CSMD1: variants seen among roughly 807,000 people sequenced by gnomAD.
CSMD1 encodes CUB and sushi domain-containing protein 1.
CSMD1 carries 213 observed loss-of-function variants against 417.5 expected under a neutral mutation model. The ratio of observed to expected loss-of-function variants is 0.51; its 90% CI spans 0.46 to 0.57. The LOEUF is 0.57. Among genes scored for constraint, CSMD1 ranks in the 20% least tolerant of loss-of-function variants. CSMD1 has a pLI of 0.00. For missense variants in CSMD1, 6,923 were observed against 4,529.7 expected (o/e 1.53, Z -15.17); for synonymous variants, 2,862 against 1,736.8 (o/e 1.65, Z -16.11).
chr8:4,280,775 T>C (rs1470202674), intron 3 of CSMD1, among the ~76,000 whole-genome samples: 1 of 152,214 alleles, frequency 6.6e-6, no homozygotes, highest in Non-Finnish European at 1.5e-5. Context: ...TGTTACTATA[T>C]ATAAAATATT....
chr8:4,566,182 C>T (rs1585258477), intron 2 of CSMD1, among the ~76,000 whole-genome samples: 2 of 152,108 alleles, frequency 1.3e-5, no homozygotes, highest in Admixed American at 1.3e-4. Context: ...TGAGATTGAT[C>T]CATCTACAAT....
At chr8:3,985,092 AG>A (rs1297735679) in intron 5 of CSMD1, among the ~76,000 whole-genome samples, 2 of 151,936 alleles carry the variant, frequency 1.3e-5, no homozygotes, top group Non-Finnish European at 2.9e-5. Flanking sequence ...TATGTTACTT[AG>A]GGGGGACTTG....
At chr8:4,979,885 A>C (rs1810782649) in intron 1 of CSMD1, among the ~76,000 whole-genome samples, 1 of 152,016 alleles carries the variant, frequency 6.6e-6, no homozygotes, top group African/African-American at 2.4e-5. Context: ...AAAATACAAA[A>C]AAATTAGCCA....
At chr8:4,788,613 G>T (rs536824671) in intron 1 of CSMD1, 16 of 948,384 alleles carry the variant, frequency 1.7e-5, no homozygotes, top group Non-Finnish European at 2.2e-5. Flanking sequence ...AAATTTTTAG[G>T]GGAAAAACTA....
At chr8:4,037,482 G>T (rs769377956) in intron 3 of CSMD1, among the ~76,000 whole-genome samples, 4 of 152,136 alleles carry the variant, frequency 2.6e-5, no homozygotes, top group African/African-American at 9.7e-5. Flanking sequence ...CTTCTCTACA[G>T]ATTTTTTTCT....
rs75203283 is a variant in CSMD1, at chr8:4,895,249, G to A, written c.85+99083C>T. Among the ~76,000 whole-genome samples, 1,342 of 152,232 alleles carry A rather than the reference G, an allele frequency of 8.8e-3. 2 individuals carry two copies. The highest frequency in any genetic ancestry group is 0.014 in the Non-Finnish European group (919 of 68,020). On this transcript the variant is annotated intron_variant, in intron 1 of 69. Transcript: ENST00000635120. ...GACAACCTGAATCACGTTCAGAGAT[G>A]AACAATTTCTGACTCAGGTGTGTTA...
chr8:3,714,931 C>G (rs1428802104), intron 6 of CSMD1, among the ~76,000 whole-genome samples: 1 of 152,124 alleles, frequency 6.6e-6, no homozygotes, highest in African/African-American at 2.4e-5. Context: ...CATTGTTTCG[C>G]TTTTACTCTA....
chr8:4,578,021 C>T (rs975845161), intron 2 of CSMD1, among the ~76,000 whole-genome samples: 1 of 152,276 alleles, frequency 6.6e-6, no homozygotes, highest in African/African-American at 2.4e-5. Context: ...GGACCCAGGG[C>T]TCGGCTTTAG....
intron 3 of CSMD1, among the ~76,000 whole-genome samples, chr8:4,368,533 T>C (rs1363055485): frequency 6.6e-6 from 1 of 152,176 alleles, no homozygotes; most frequent in Non-Finnish European, 1.5e-5. Flanking sequence ...TTGGGAATCA[T>C]TTTAGTAAGA....
intron 3 of CSMD1, among the ~76,000 whole-genome samples, chr8:4,357,422 T>TA (rs1410874345): frequency 1.3e-5 from 2 of 152,146 alleles, no homozygotes; most frequent in African/African-American, 2.4e-5. Flanking sequence ...AGGCCAGAAA[T>TA]ATTAAGAGTT....
At chr8:4,973,635 A>C (rs1182471995) in intron 1 of CSMD1, among the ~76,000 whole-genome samples, 1 of 152,136 alleles carries the variant, frequency 6.6e-6, no homozygotes, top group Non-Finnish European at 1.5e-5. Flanking sequence ...AATCTTCCAA[A>C]TGCCATTAAG....
intron 5 of CSMD1, among the ~76,000 whole-genome samples, chr8:3,754,959 A>G (rs540301220): frequency 4.4e-4 from 29 of 65,398 alleles, no homozygotes; most frequent in African/African-American, 1.6e-3. Context: ...TGTTTTAAGA[A>G]AGCAGTGCAT....
At chr8:3,174,855 G>A (rs1200801398) in intron 37 of CSMD1, among the ~76,000 whole-genome samples, 1 of 151,956 alleles carries the variant, frequency 6.6e-6, no homozygotes, top group African/African-American at 2.4e-5. Context: ...AACACTTAAA[G>A]AGAAGGCAGT....
intron 25 of CSMD1, among the ~76,000 whole-genome samples, chr8:3,288,156 C>G (rs919769287): frequency 4.1e-5 from 6 of 147,418 alleles, no homozygotes; most frequent in Non-Finnish European, 8.8e-5. Flanking sequence ...ATGAAGCCCA[C>G]TTGATCATTG....
In CSMD1 at chr8:4,266,384, AT is replaced by A. The variant is rs1804226464; in HGVS notation, c.415+153568del. Among the ~76,000 whole-genome samples the A allele has an allele frequency of 1.9e-5, 2 of 105,630 alleles. 1 individual carries two copies. The highest frequency in any genetic ancestry group is 7.2e-4 in the South Asian group (2 of 2,792). The allele number at this position is 105,630 out of a possible 152,430, so 69.3% of individuals were successfully genotyped here. On this transcript the variant is annotated intron_variant, in intron 3 of 69. Coordinates refer to ENST00000635120, the MANE Select transcript of CSMD1 (RefSeq NM_033225.6). ...AATATTTTCAAGAATATATTTGAAA[AT>A]ATTAATATAGTTCATTTTATGTGTA...
At chr8:3,432,399 T>C (rs1395241384) in intron 12 of CSMD1, among the ~76,000 whole-genome samples, 2 of 152,188 alleles carry the variant, frequency 1.3e-5, no homozygotes, top group African/African-American at 4.8e-5. Context: ...TGCTTAGCTT[T>C]TGCAGGTAAT....
At chr8:3,719,466 T>A (rs1282899223) in intron 6 of CSMD1, among the ~76,000 whole-genome samples, 1 of 152,144 alleles carries the variant, frequency 6.6e-6, no homozygotes, top group Non-Finnish European at 1.5e-5. Context: ...GAAAAGTGGG[T>A]GGTATTTAAC....
intron 3 of CSMD1, among the ~76,000 whole-genome samples, chr8:4,170,916 T>C (rs2131136210): frequency 6.6e-6 from 1 of 152,028 alleles, no homozygotes; most frequent in East Asian, 1.9e-4. Flanking sequence ...CATTCACTTA[T>C]TCCAATGCCT....
chr8:3,791,035 C>A (rs1799709545), intron 5 of CSMD1, among the ~76,000 whole-genome samples: 1 of 152,130 alleles, frequency 6.6e-6, no homozygotes, highest in East Asian at 1.9e-4. Context: ...CCACTAAAAC[C>A]ATGATCATTT....
Sources: allele counts gnomAD v4.1 joint callset (sites outside exome capture counted in the v4.1 genomes callset), GRCh38; gene constraint gnomAD v4.1.1; transcripts MANE v1.5; gene names NCBI Gene and HGNC (gene_info 2026-07-23, HGNC 2026-07-21).